Variants in KIF26B observed in about 807,000 individuals in gnomAD.
The protein encoded by KIF26B is kinesin-like protein KIF26B.
KIF26B carries 63 observed loss-of-function variants against 151.2 expected under a neutral mutation model. The observed-to-expected ratio is 0.42, with a 90% CI of 0.34 to 0.51. The LOEUF is 0.51. Ranked by LOEUF, KIF26B falls within the 20% of genes least tolerant of loss-of-function variation. KIF26B has a pLI of 0.07. For missense variants in KIF26B, 2,813 were observed against 2,913.6 expected (o/e 0.97, Z 0.79); for synonymous variants, 1,357 against 1,262.1 (o/e 1.08, Z -1.59).
At chr1:245,234,324 C>G (rs1670060852) in intron 2 of KIF26B, 1 of 152,272 alleles carries the variant, frequency 6.6e-6, no homozygotes, top group Non-Finnish European at 1.5e-5. Context: ...TCTAACGCCC[C>G]CCTGCCGGGC....
chr1:245,444,337 C>T (rs1354049255), intron 4 of KIF26B, among the ~76,000 whole-genome samples: 1 of 152,240 alleles, frequency 6.6e-6, no homozygotes, highest in Non-Finnish European at 1.5e-5. Context: ...TGAGGGCAGG[C>T]CTTTGAGAAA....
intron 2 of KIF26B, among the ~76,000 whole-genome samples, chr1:245,351,224 C>A (rs746671431): frequency 6.6e-6 from 1 of 152,232 alleles, no homozygotes. Context: ...TTGCCTCTCT[C>A]TAGAGCCAAA....
intron 4 of KIF26B, among the ~76,000 whole-genome samples, chr1:245,519,438 C>A (rs1336238096): frequency 2.0e-5 from 3 of 151,856 alleles, no homozygotes; most frequent in Non-Finnish European, 4.4e-5. Flanking sequence ...CCTGTAATTC[C>A]AGCTATTCTG....
chr1:245,414,686 T>G (rs746244438), intron 3 of KIF26B, among the ~76,000 whole-genome samples: 3 of 152,202 alleles, frequency 2.0e-5, no homozygotes, highest in Non-Finnish European at 4.4e-5. Flanking sequence ...AGAAACACAT[T>G]TTGGAAGCTT....
intron 5 of KIF26B, among the ~76,000 whole-genome samples, chr1:245,568,184 CAAAAAAAAA>C (rs61494632): frequency 1.7e-4 from 5 of 28,708 alleles, no homozygotes; most frequent in Admixed American, 7.7e-4. Flanking sequence ...AACTCCATCT[CAAAAAAAAA>C]AAAAAAAAAA....
intron 2 of KIF26B, among the ~76,000 whole-genome samples, chr1:245,350,121 C>T (rs1316092446): frequency 6.6e-6 from 1 of 152,012 alleles, no homozygotes; most frequent in Non-Finnish European, 1.5e-5. Context: ...CCAAAGACTG[C>T]TGGGCTGGAG....
intron 10 of KIF26B, among the ~76,000 whole-genome samples, chr1:245,658,932 C>T (rs770917005): frequency 1.6e-4 from 24 of 151,942 alleles, no homozygotes; most frequent in Non-Finnish European, 2.5e-4. Context: ...CATATGAGCT[C>T]ATCTAGATAA....
intron 5 of KIF26B, among the ~76,000 whole-genome samples, chr1:245,557,175 G>T (rs1451701658): frequency 6.6e-6 from 1 of 152,186 alleles, no homozygotes; most frequent in African/African-American, 2.4e-5. Context: ...AAATATTGTA[G>T]AATTCTAGAA....
chr1:245,700,053 A>G (rs960578004), intron 14 of KIF26B, among the ~76,000 whole-genome samples: 1 of 152,218 alleles, frequency 6.6e-6, no homozygotes, highest in African/African-American at 2.4e-5. Context: ...GGTGATAACA[A>G]CATTTCCCTA....
intron 2 of KIF26B, among the ~76,000 whole-genome samples, chr1:245,343,085 CA>C (rs11377283): frequency 1.6e-4 from 21 of 131,884 alleles, no homozygotes; most frequent in African/African-American, 1.2e-4. Context: ...GACTCCATCT[CA>C]AAAAAAAAAA....
At chr1:245,506,757 T>C (rs1660734760) in intron 4 of KIF26B, among the ~76,000 whole-genome samples, 1 of 152,230 alleles carries the variant, frequency 6.6e-6, no homozygotes, top group Non-Finnish European at 1.5e-5. Context: ...CTCAGCCCAC[T>C]GCAACCTCCA....
chr1:245,521,064 G>A (rs374502935), intron 4 of KIF26B, among the ~76,000 whole-genome samples: 1 of 152,200 alleles, frequency 6.6e-6, no homozygotes, highest in Non-Finnish European at 1.5e-5. Context: ...CAGGCTGGGC[G>A]TGGTGGCTCA....
intron 2 of KIF26B, among the ~76,000 whole-genome samples, chr1:245,355,746 G>A (rs1672681899): frequency 6.6e-6 from 1 of 152,158 alleles, no homozygotes; most frequent in South Asian, 2.1e-4. Flanking sequence ...ATTTATCATT[G>A]TCTTGAATTA....
At chr1:245,694,735 T>C (rs1224813356) in intron 12 of KIF26B, among the ~76,000 whole-genome samples, 1 of 152,118 alleles carries the variant, frequency 6.6e-6, no homozygotes, top group Non-Finnish European at 1.5e-5. Context: ...TCAGCCTCTG[T>C]TAGTGGGAGA....
chr1:245,455,890 T>C (rs1046464624), intron 4 of KIF26B, among the ~76,000 whole-genome samples: 2 of 152,248 alleles, frequency 1.3e-5, no homozygotes, highest in Non-Finnish European at 2.9e-5. Flanking sequence ...CCTTAACCTA[T>C]TCCCGTCTAT....
chr1:245,415,253 C>T (rs1245857910), intron 3 of KIF26B, among the ~76,000 whole-genome samples: 1 of 152,098 alleles, frequency 6.6e-6, no homozygotes, highest in Admixed American at 6.5e-5. Context: ...ACACTGTCAC[C>T]GTTTCAGAGA....
chr1:245,655,220 T>G (rs979820223), intron 10 of KIF26B, among the ~76,000 whole-genome samples: 1 of 152,190 alleles, frequency 6.6e-6, no homozygotes, highest in African/African-American at 2.4e-5. Flanking sequence ...CAGCAAAATC[T>G]CAATCATTCT....
Position 245,156,694 on chromosome 1 carries a change from C to T in KIF26B, c.465+11C>T. ...CCCTTCCCGGGCAAGGTGAGCGCCG[C>T]GCGGGGCTGGCTGGGGAGGCGCCGG... is the stretch of plus-strand genomic sequence containing the variant. On this transcript the variant is annotated intron_variant, in intron 2 of 14. Coordinates refer to ENST00000407071, the MANE Select transcript of KIF26B (RefSeq NM_018012.4). The T allele has an allele frequency of 2.0e-6, 3 of 1,467,840 alleles. No individual in the cohort carries two copies. Among genetic ancestry groups the T allele is most frequent in the Non-Finnish European group, 2.7e-6 (3 of 1,116,180 alleles). The allele number at this position is 1,467,840 out of a possible 1,614,324, so 90.9% of individuals were successfully genotyped here. A position where few individuals can be genotyped will look rare whatever the true frequency, so the allele number is the denominator to read the frequency against.
At chr1:245,316,950 G>A (rs752318432) in intron 2 of KIF26B, among the ~76,000 whole-genome samples, 7 of 152,056 alleles carry the variant, frequency 4.6e-5, no homozygotes, top group African/African-American at 1.2e-4. Flanking sequence ...AGGGACTCCC[G>A]AGACCTGGTG....
Sources: gnomAD v4.1 joint callset for allele counts (sites outside exome capture counted in the v4.1 genomes callset) on GRCh38, gnomAD v4.1.1 for gene constraint, MANE v1.5 for transcripts, NCBI Gene and HGNC (gene_info 2026-07-23, HGNC 2026-07-21) for gene names.